Variants in DLGAP2 observed in about 807,000 individuals in gnomAD.
DLGAP2 encodes the protein DLG associated protein 2.
In DLGAP2, 26 loss-of-function variants were observed where a neutral mutation model predicts 100.3. That is an observed-to-expected ratio of 0.26 (90% CI 0.19 to 0.36). DLGAP2 has a LOEUF of 0.36. Ranked by LOEUF, DLGAP2 falls within the 10% of genes least tolerant of loss-of-function variation. The probability of loss-of-function intolerance (pLI) is 1.00; values close to 1 mark genes in which losing one functional copy is unlikely to be tolerated. For synonymous variants in DLGAP2, 886 were observed against 630.1 expected (o/e 1.41, Z -6.08); for missense variants, 1,858 against 1,453.2 (o/e 1.28, Z -4.53).
chr8:1,372,336 C>T (rs1472160753), intron 3 of DLGAP2, among the ~76,000 whole-genome samples: 3 of 152,132 alleles, frequency 2.0e-5, no homozygotes, highest in Non-Finnish European at 4.4e-5. Flanking sequence ...AACACTAGGA[C>T]ACTGTTTAAT....
chr8:1,630,571 G>A (rs1187377790), intron 7 of DLGAP2, among the ~76,000 whole-genome samples: 2 of 151,988 alleles, frequency 1.3e-5, no homozygotes, highest in Non-Finnish European at 2.9e-5. Context: ...GCATGGTAGC[G>A]GGCACCTGTG....
At chr8:1,158,225 A>T (rs768186980) in intron 2 of DLGAP2, among the ~76,000 whole-genome samples, 1 of 152,266 alleles carries the variant, frequency 6.6e-6, no homozygotes, top group Non-Finnish European at 1.5e-5. Context: ...TTTGTGGCCA[A>T]TATAACTTTT....
At chr8:990,157 G>C (rs11137119) in intron 2 of DLGAP2, among the ~76,000 whole-genome samples, 47,120 of 150,474 alleles carry the variant, frequency 0.31, 7,426 homozygotes, top group Middle Eastern at 0.39. Flanking sequence ...TCCATCCATG[G>C]TGTTGTTTGT....
At chr8:896,529 A>G (rs1011390903) in intron 1 of DLGAP2, among the ~76,000 whole-genome samples, 7 of 152,064 alleles carry the variant, frequency 4.6e-5, no homozygotes, top group African/African-American at 1.2e-4. Context: ...CCAAATTCCT[A>G]TGTTGAAGCC....
chr8:1,217,885 G>A (rs1444673028), intron 2 of DLGAP2, among the ~76,000 whole-genome samples: 1 of 152,092 alleles, frequency 6.6e-6, no homozygotes, highest in Non-Finnish European at 1.5e-5. Context: ...AAATATGCTT[G>A]TTGCTTGCAT....
At chr8:1,435,575 C>G (rs1460085552) in intron 3 of DLGAP2, among the ~76,000 whole-genome samples, 1 of 152,068 alleles carries the variant, frequency 6.6e-6, no homozygotes, top group Non-Finnish European at 1.5e-5. Context: ...GACAGACGAC[C>G]ATGTTGCTGG....
At chr8:1,248,317 C>T (rs71512884) in intron 2 of DLGAP2, among the ~76,000 whole-genome samples, 3 of 96,852 alleles carry the variant, frequency 3.1e-5, no homozygotes, top group East Asian at 3.1e-4. Flanking sequence ...TAATGGCCCA[C>T]GTCGGTGGCC....
At chr8:793,879 T>C (rs1176678057) in intron 1 of DLGAP2, among the ~76,000 whole-genome samples, 7 of 152,266 alleles carry the variant, frequency 4.6e-5, no homozygotes, top group Admixed American at 3.9e-4. Context: ...CTGTTACGGC[T>C]TCTCAGCTTT....
At chr8:868,145 G>A (rs1346110676) in intron 1 of DLGAP2, among the ~76,000 whole-genome samples, 1 of 152,182 alleles carries the variant, frequency 6.6e-6, no homozygotes, top group African/African-American at 2.4e-5. Context: ...TTTAAGGAGT[G>A]TAATTAACCC....
At chr8:1,690,793 T>C (rs2130875981) in intron 12 of DLGAP2, among the ~76,000 whole-genome samples, 1 of 151,466 alleles carries the variant, frequency 6.6e-6, no homozygotes, top group Admixed American at 6.6e-5. Flanking sequence ...TAATTCTTCC[T>C]ACTGAACTGT....
intron 1 of DLGAP2, among the ~76,000 whole-genome samples, chr8:873,185 T>C (rs1416391592): frequency 2.6e-5 from 4 of 152,258 alleles, no homozygotes; most frequent in African/African-American, 9.6e-5. Flanking sequence ...ATTGACCTCA[T>C]GTCCTTCAAC....
At chr8:787,894 A>G (rs1406250824) in intron 1 of DLGAP2, among the ~76,000 whole-genome samples, 2 of 152,158 alleles carry the variant, frequency 1.3e-5, no homozygotes, top group Non-Finnish European at 2.9e-5. Context: ...CTGTTCCTCT[A>G]ATTTTCACCA....
intron 3 of DLGAP2, among the ~76,000 whole-genome samples, chr8:1,315,444 G>C (rs1257732838): frequency 4.3e-5 from 6 of 138,430 alleles, no homozygotes; most frequent in East Asian, 2.2e-4. Flanking sequence ...CGAGTGCAGC[G>C]TCTCTCCAAC....
chr8:1,658,291 G>A (rs904538896), intron 8 of DLGAP2, among the ~76,000 whole-genome samples: 1 of 152,094 alleles, frequency 6.6e-6, no homozygotes, highest in Admixed American at 6.5e-5. Context: ...TGGCTTCCAG[G>A]TACAGCTGCT....
intron 12 of DLGAP2, among the ~76,000 whole-genome samples, chr8:1,685,201 AAG>A (rs1799083184): frequency 6.6e-6 from 1 of 152,172 alleles, no homozygotes; most frequent in African/African-American, 2.4e-5. Context: ...GCAGCTGACA[AAG>A]AGCCCAGAGA....
intron 4 of DLGAP2, among the ~76,000 whole-genome samples, chr8:1,537,682 C>T (rs750976793): frequency 6.8e-6 from 1 of 147,184 alleles, no homozygotes; most frequent in Non-Finnish European, 1.5e-5. Context: ...TTCATGGATG[C>T]AAGGATGGAA....
intron 2 of DLGAP2, among the ~76,000 whole-genome samples, chr8:940,592 A>G (rs1799173108): frequency 6.6e-6 from 1 of 152,128 alleles, no homozygotes; most frequent in Non-Finnish European, 1.5e-5. Flanking sequence ...GGGCTCTGGC[A>G]ACAGCTGGGG....
At chr8:1,115,658 G>A (rs144425437) in intron 2 of DLGAP2, among the ~76,000 whole-genome samples, 9 of 152,306 alleles carry the variant, frequency 5.9e-5, no homozygotes, top group Non-Finnish European at 1.0e-4. Context: ...TTCAGAGGAC[G>A]GAGGTGTAGC....
intron 2 of DLGAP2, among the ~76,000 whole-genome samples, chr8:1,249,517 A>G (rs767230789): frequency 1.1e-4 from 16 of 152,348 alleles, no homozygotes; most frequent in Admixed American, 3.3e-4. Context: ...CTTTTGCTTG[A>G]TGAAATATTT....
Sources: gnomAD v4.1 joint callset for allele counts (sites outside exome capture counted in the v4.1 genomes callset) on GRCh38, gnomAD v4.1.1 for gene constraint, MANE v1.5 for transcripts, NCBI Gene and HGNC (gene_info 2026-07-23, HGNC 2026-07-21) for gene names.